The following CCDC148 variants were observed in gnomAD, a reference collection of about 807,000 sequenced individuals.
The protein encoded by CCDC148 is coiled-coil domain-containing protein 148.
Under a neutral mutation model 85.7 loss-of-function variants are expected in CCDC148, and 89 were observed. The observed-to-expected ratio is 1.04, with a 90% CI of 0.87 to 1.24. The LOEUF (loss-of-function observed/expected upper bound fraction) is 1.24, where lower values mean the gene tolerates loss of function less well. Among genes scored for constraint, CCDC148 ranks in the 50% most tolerant of loss-of-function variants. CCDC148 has a pLI of 0.00. For synonymous variants in CCDC148, 230 were observed against 213.9 expected (o/e 1.08, Z -0.66); for missense variants, 692 against 671.7 (o/e 1.03, Z -0.33).
chr2:158,218,826 C>T (rs988014328), intron 11 of CCDC148, among the ~76,000 whole-genome samples: 4 of 152,150 alleles, frequency 2.6e-5, no homozygotes, highest in Admixed American at 6.6e-5. Flanking sequence ...ACCTTCTAAC[C>T]ACGAGCCCTG....
intron 1 of CCDC148, among the ~76,000 whole-genome samples, chr2:158,432,850 G>T (rs1029511093): frequency 4.0e-5 from 6 of 151,838 alleles, no homozygotes; most frequent in African/African-American, 1.5e-4. Flanking sequence ...AAGGTGGGCA[G>T]ATCACCTGAG....
chr2:158,223,800 C>CT (rs1304987547), intron 10 of CCDC148, among the ~76,000 whole-genome samples: 1 of 152,080 alleles, frequency 6.6e-6, no homozygotes, highest in Non-Finnish European at 1.5e-5. Context: ...AAAAGACATC[C>CT]AAAGCAAAAC....
intron 11 of CCDC148, among the ~76,000 whole-genome samples, chr2:158,220,278 T>C (rs1687104701): frequency 6.6e-6 from 1 of 152,212 alleles, no homozygotes; most frequent in Non-Finnish European, 1.5e-5. Flanking sequence ...GGTTTCCTCC[T>C]TCTGGGTCAA....
chr2:158,413,630 A>G (rs1686364947), intron 1 of CCDC148, among the ~76,000 whole-genome samples: 1 of 151,856 alleles, frequency 6.6e-6, no homozygotes, highest in African/African-American at 2.4e-5. Flanking sequence ...AGGAAACTAA[A>G]TCAGGGGTTT....
intron 3 of CCDC148, among the ~76,000 whole-genome samples, chr2:158,342,026 C>CTTTTTTTTTT (rs1159799812): frequency 1.6e-5 from 1 of 62,660 alleles, no homozygotes; most frequent in African/African-American, 7.2e-5. Context: ...ATTTTCTTTT[C>CTTTTTTTTTT]TTTTTTTTTT....
intron 9 of CCDC148, among the ~76,000 whole-genome samples, chr2:158,260,940 C>T (rs889472956): frequency 2.0e-5 from 3 of 151,896 alleles, no homozygotes; most frequent in African/African-American, 7.3e-5. Flanking sequence ...GTCATACTGC[C>T]CAGAGCAATT....
At chr2:158,320,413 T>G (rs1341329676) in intron 7 of CCDC148, among the ~76,000 whole-genome samples, 1 of 152,182 alleles carries the variant, frequency 6.6e-6, no homozygotes, top group Non-Finnish European at 1.5e-5. Context: ...TTCTCCATAG[T>G]GTTCGTTCTT....
chr2:158,190,842 G>GT (rs1279436426), intron 11 of CCDC148, among the ~76,000 whole-genome samples: 3 of 151,776 alleles, frequency 2.0e-5, no homozygotes, highest in Non-Finnish European at 2.9e-5. Flanking sequence ...TATTGGAGAG[G>GT]TTTTTTTCAG....
chr2:158,357,975 C>T (rs1210386231), intron 2 of CCDC148, among the ~76,000 whole-genome samples: 2 of 152,094 alleles, frequency 1.3e-5, no homozygotes, highest in Non-Finnish European at 2.9e-5. Flanking sequence ...AAATCACTTG[C>T]ACATAATCTC....
intron 1 of CCDC148, among the ~76,000 whole-genome samples, chr2:158,454,334 G>T (rs2013583): frequency 0.7 from 106,419 of 152,042 alleles, 37,729 homozygotes; most frequent in East Asian, 0.89. Flanking sequence ...GGAGGAGAGG[G>T]TGTAACACAT....
At chr2:158,275,450 T>C (rs1689888927) in intron 9 of CCDC148, among the ~76,000 whole-genome samples, 1 of 152,222 alleles carries the variant, frequency 6.6e-6, no homozygotes, top group Admixed American at 6.5e-5. Context: ...AGCCAGGCCA[T>C]TTGCTTCTAG....
intron 7 of CCDC148, among the ~76,000 whole-genome samples, chr2:158,337,875 G>C (rs1682469809): frequency 6.6e-6 from 1 of 152,100 alleles, no homozygotes; most frequent in Admixed American, 6.6e-5. Flanking sequence ...GCAGTTCACA[G>C]GCAATTCATA....
chr2:158,183,207 A>G (rs548086250), intron 11 of CCDC148, among the ~76,000 whole-genome samples: 1 of 152,270 alleles, frequency 6.6e-6, no homozygotes, highest in East Asian at 1.9e-4. Context: ...CACTAACAAT[A>G]ATCTGGAAAG....
chr2:158,349,993 G>T (rs990846871), intron 2 of CCDC148, among the ~76,000 whole-genome samples: 1 of 152,014 alleles, frequency 6.6e-6, no homozygotes, highest in Non-Finnish European at 1.5e-5. Flanking sequence ...TTTGAGATTT[G>T]CCAAGCTATG....
chr2:158,264,216 C>A (rs993763780), intron 9 of CCDC148, among the ~76,000 whole-genome samples: 2 of 151,902 alleles, frequency 1.3e-5, no homozygotes, highest in African/African-American at 2.4e-5. Context: ...AAATAGGAAA[C>A]CTTCAATGAG....
chr2:158,200,012 A>C (rs1441022964), intron 11 of CCDC148, among the ~76,000 whole-genome samples: 1 of 152,202 alleles, frequency 6.6e-6, no homozygotes, highest in Non-Finnish European at 1.5e-5. Context: ...CAAACTAGTC[A>C]TTGTGGTAGT....
chr2:158,308,992 C>T (rs561963616), intron 9 of CCDC148, among the ~76,000 whole-genome samples: 3 of 152,304 alleles, frequency 2.0e-5, no homozygotes, highest in East Asian at 1.9e-4. Flanking sequence ...TCACACACAG[C>T]CCAGCAAGCT....
At chr2:158,242,870 G>A (rs1688411076) in intron 10 of CCDC148, among the ~76,000 whole-genome samples, 1 of 152,050 alleles carries the variant, frequency 6.6e-6, no homozygotes, top group South Asian at 2.1e-4. Flanking sequence ...TCAGTACCAT[G>A]GATGTACCAG....
chr2:158,449,510 G>T (rs1688305405), intron 1 of CCDC148, among the ~76,000 whole-genome samples: 1 of 151,424 alleles, frequency 6.6e-6, no homozygotes, highest in Admixed American at 6.6e-5. Context: ...TGCAGTGGTA[G>T]GATCTCGGCT....
Sources: allele counts gnomAD v4.1 joint callset (sites outside exome capture counted in the v4.1 genomes callset), GRCh38; gene constraint gnomAD v4.1.1; transcripts MANE v1.5; gene names NCBI Gene and HGNC (gene_info 2026-07-23, HGNC 2026-07-21).